The following SETD7 variants were observed in gnomAD, a reference collection of about 807,000 sequenced individuals.
SETD7 encodes histone-lysine N-methyltransferase SETD7.
A neutral mutation model predicts 41.8 loss-of-function variants in SETD7; 16 were observed. The ratio of observed to expected loss-of-function variants is 0.38; its 90% CI spans 0.26 to 0.58. The LOEUF is 0.58. Among genes scored for constraint, SETD7 ranks in the 20% least tolerant of loss-of-function variants. The pLI, the probability that SETD7 is intolerant of heterozygous loss-of-function variation, is 0.64. For synonymous variants in SETD7, 163 were observed against 169.7 expected, an observed-to-expected ratio of 0.96 and a Z score of 0.31; for missense variants, 346 against 459.7, an observed-to-expected ratio of 0.75 and a Z score of 2.26.
At chr4:139,520,185 A>G in intron 6 of SETD7, 92 bp downstream of exon 6, 1 of 564,922 alleles carries the variant, frequency 1.8e-6, no homozygotes, top group East Asian at 3.0e-5. Flanking sequence ...CTGCTTCTTT[A>G]ACTTTCTAGT....
At chr4:139,500,974 G>A (rs1726561710) in intron 7 of SETD7, among the ~76,000 whole-genome samples, 1 of 152,006 alleles carries the variant, frequency 6.6e-6, no homozygotes, top group Admixed American at 6.5e-5. Flanking sequence ...GCCCCCCTCA[G>A]CCTGAAATGT....
chr4:139,520,223 G>T, intron 6 of SETD7, 54 bp downstream of exon 6: 1 of 927,224 alleles, frequency 1.1e-6, no homozygotes, highest in Non-Finnish European at 1.6e-6. Flanking sequence ...GATTTTGTTT[G>T]AAGCAAAGCC....
intron 4 of SETD7, among the ~76,000 whole-genome samples, chr4:139,526,153 C>G (rs201593274): frequency 6.6e-6 from 1 of 152,056 alleles, no homozygotes; most frequent in African/African-American, 2.4e-5. Context: ...CAGGTTCAAG[C>G]GGTTCTTGTG....
chr4:139,531,355 C>T (rs918706293), intron 3 of SETD7, among the ~76,000 whole-genome samples: 3 of 152,124 alleles, frequency 2.0e-5, no homozygotes, highest in African/African-American at 7.2e-5. Context: ...ATCTAGTAAT[C>T]CAACACTTTG....
Position 139,507,387 on chromosome 4 carries a change from A to AG in SETD7, c.*4275_*4276insC, listed in dbSNP as rs1726734972. ...ACGAGCTCTCTCCACGTCAGGTGCA[A>AG]CAACGCCGAGGAAGTTGCTGAGAGT... On this transcript the variant is annotated 3_prime_UTR_variant, in exon 8 of 8. Coordinates refer to ENST00000274031, the MANE Select transcript of SETD7 (RefSeq NM_030648.4). 6.6e-6 allele frequency: 1 copy of AG among 152,584 alleles called. No individual in the cohort carries two copies. The highest frequency in any genetic ancestry group is 6.5e-5 in the Admixed American group (1 of 15,286). The allele number at this position is 152,584 out of a possible 1,614,324, so 9.5% of individuals were successfully genotyped here.
At chr4:139,519,388 T>A (rs1341130450) in intron 6 of SETD7, among the ~76,000 whole-genome samples, 1 of 152,334 alleles carries the variant, frequency 6.6e-6, no homozygotes, top group East Asian at 1.9e-4. Context: ...CGTTTCCCTA[T>A]CTGTAAAATG....
At chr4:139,532,394 G>A (rs56367918) in intron 3 of SETD7, among the ~76,000 whole-genome samples, 4 of 152,094 alleles carry the variant, frequency 2.6e-5, no homozygotes, top group Admixed American at 6.6e-5. Flanking sequence ...AGCCAAGATC[G>A]TGCCACTGCA....
At chr4:139,504,450 C>A (rs1464525582), downstream of SETD7, among the ~76,000 whole-genome samples, 1 of 152,018 alleles carries the variant, frequency 6.6e-6, no homozygotes. Flanking sequence ...AGCAGAAACC[C>A]CTTTTCTGTT....
chr4:139,517,545 T>G (rs1227622774), intron 7 of SETD7, among the ~76,000 whole-genome samples: 1 of 151,526 alleles, frequency 6.6e-6, no homozygotes, highest in African/African-American at 2.4e-5. Context: ...ATTTAAATTT[T>G]TACTATTATT....
intron 2 of SETD7, among the ~76,000 whole-genome samples, chr4:139,537,206 C>G (rs1196690102): frequency 3.3e-5 from 5 of 152,158 alleles, no homozygotes; most frequent in African/African-American, 1.2e-4. Context: ...AACTCCTGAC[C>G]TCAAGTGATC....
intron 7 of SETD7, among the ~76,000 whole-genome samples, chr4:139,516,052 A>G (rs1727014053): frequency 6.6e-6 from 1 of 152,198 alleles, no homozygotes; most frequent in African/African-American, 2.4e-5. Flanking sequence ...TGTAAAAACT[A>G]CTAAAGTGTT....
At chr4:139,500,964 GC>G (rs1356246417) in intron 7 of SETD7, among the ~76,000 whole-genome samples, 1 of 152,044 alleles carries the variant, frequency 6.6e-6, no homozygotes, top group South Asian at 2.1e-4. Context: ...GCTCTCTGCG[GC>G]CCCCCTCAGC....
intron 1 of SETD7, among the ~76,000 whole-genome samples, chr4:139,554,301 A>G (rs1728196689): frequency 6.6e-6 from 1 of 152,222 alleles, no homozygotes; most frequent in Non-Finnish European, 1.5e-5. Flanking sequence ...CCATTTCTAA[A>G]GCTCTTGGTC....
At chr4:139,535,439 C>T (rs1727611796) in intron 2 of SETD7, among the ~76,000 whole-genome samples, 1 of 152,198 alleles carries the variant, frequency 6.6e-6, no homozygotes, top group South Asian at 2.1e-4. Flanking sequence ...CTCTCAGCAG[C>T]ATTCAAAATG....
intron 6 of SETD7, among the ~76,000 whole-genome samples, chr4:139,519,021 C>T (rs1360275206): frequency 1.3e-5 from 2 of 152,224 alleles, no homozygotes; most frequent in South Asian, 2.1e-4. Context: ...GATAGTCCCT[C>T]AACTGATGTT....
chr4:139,536,314 A>G lies in SETD7; in HGVS notation c.171-2948T>C, dbSNP rs1177217700. ...AAAATCCTTAAGGCCAGCCGGGGGAAAAAAAGTTATGATTTTTTTTCTTTT... is the reference window on the plus strand; with the variant it reads ...AAAATCCTTAAGGCCAGCCGGGGGAGAAAAAGTTATGATTTTTTTTCTTTT... On this transcript the variant is annotated intron_variant, in intron 2 of 7. Transcript: ENST00000274031. Among the ~76,000 whole-genome samples the G allele has an allele frequency of 2.0e-5, 3 of 152,190 alleles. 1 individual carries two copies. Among genetic ancestry groups the G allele is most frequent in the African/African-American group, 7.2e-5 (3 of 41,436 alleles).
At chr4:139,517,858 GC>G (rs1176211382) in intron 7 of SETD7, 26 bp downstream of exon 7, 4 of 1,596,930 alleles carry the variant, frequency 2.5e-6, no homozygotes, top group Non-Finnish European at 3.4e-6. Context: ...GCATAGATCC[GC>G]CCCAGCAGCT....
downstream of SETD7, among the ~76,000 whole-genome samples, chr4:139,503,388 A>C (rs58898126): frequency 6.6e-6 from 1 of 151,958 alleles, no homozygotes; most frequent in East Asian, 2.0e-4. Context: ...TATGGTTAGG[A>C]GAGCAGCAAG....
rs568105701 is a variant in SETD7 at position 139,542,503 on chromosome 4, C to A, written c.170+4417G>T. 6.8e-4 allele frequency among the ~76,000 whole-genome samples: 103 copies of A among 152,140 alleles called. 2 individuals carry two copies. The South Asian group carries it at 0.02, about 30-fold the overall frequency. ...GTTTATGTATCAAAATCACACTTTA[C>A]CCCAGAAAAATGTAGAATTATGTGT... On this transcript the variant is annotated intron_variant, in intron 2 of 7. Transcript: ENST00000274031.
Sources: gnomAD v4.1 joint callset for allele counts (sites outside exome capture counted in the v4.1 genomes callset) on GRCh38, gnomAD v4.1.1 for gene constraint, MANE v1.5 for transcripts, NCBI Gene and HGNC (gene_info 2026-07-23, HGNC 2026-07-21) for gene names.